Variants in C3orf49 observed in about 807,000 individuals in gnomAD.
C3orf49 encodes putative uncharacterized protein C3orf49.
C3orf49 carries 27 observed loss-of-function variants against 13.3 expected under a neutral mutation model. The observed-to-expected ratio is 2.02, with a 90% CI of 1.49 to 2.79. C3orf49 has a LOEUF of 2.79. C3orf49 is among the 30% of genes most tolerant of loss of function. The probability of loss-of-function intolerance (pLI) is 0.00; values close to 1 mark genes in which losing one functional copy is unlikely to be tolerated. For missense variants in C3orf49, 242 were observed against 134.2 expected (o/e 1.80, Z -3.97); for synonymous variants, 87 against 47.6 (o/e 1.83, Z -3.40).
the C3orf49 span, among the ~76,000 whole-genome samples, chr3:63,811,399 A>G: frequency 6.6e-6 from 1 of 151,978 alleles, no homozygotes; most frequent in African/African-American, 2.4e-5. Flanking sequence ...TATATTAAAA[A>G]TACAAAAAAC....
At chr3:63,811,645 G>A in the C3orf49 span, among the ~76,000 whole-genome samples, 4 of 151,868 alleles carry the variant, frequency 2.6e-5, no homozygotes, top group Admixed American at 1.3e-4. Context: ...TACTTGGGAG[G>A]CTGGGGTGGG....
chr3:63,784,903 C>T, the C3orf49 span: 10 of 152,092 alleles, frequency 6.6e-5, no homozygotes, highest in African/African-American at 2.2e-4. Flanking sequence ...TTTCTTCCTT[C>T]CTTGCTGTCA....
At chr3:63,848,179 C>T (rs768272342) in intron 6 of C3orf49, among the ~76,000 whole-genome samples, 185 bp from the exon 7 acceptor site, 4 of 152,180 alleles carry the variant, frequency 2.6e-5, no homozygotes, top group Non-Finnish European at 4.4e-5. Flanking sequence ...GGAGAATCCC[C>T]TTCCCTTTCC....
upstream of C3orf49, among the ~76,000 whole-genome samples, chr3:63,816,769 C>CTTTTTT (rs543894356): frequency 0.023 from 2,258 of 96,948 alleles, 3 homozygotes; most frequent in Non-Finnish European, 0.028. Flanking sequence ...CTTTTCTTTT[C>CTTTTTT]TTTTTTTTTT....
chr3:63,841,487 T>C (rs1371437808), intron 5 of C3orf49, among the ~76,000 whole-genome samples: 3 of 152,314 alleles, frequency 2.0e-5, no homozygotes, highest in Admixed American at 1.3e-4. Context: ...TAAACAATAG[T>C]TCCTGTGTGT....
At chr3:63,836,256 T>C (rs1249679608) in intron 5 of C3orf49, 11 of 1,571,728 alleles carry the variant, frequency 7.0e-6, no homozygotes, top group Non-Finnish European at 9.5e-6. Context: ...TTCGAGCATT[T>C]ATGTATAAAG....
In C3orf49 at chr3:63,831,118, T is replaced by C. The variant is rs527428752; in HGVS notation, c.579T>C (p.Tyr193=). ...TTGCATTTTTACCATAGGGGCCATA[T>C]TCACCAAAAAAGAGACCACACTTTC... ...SLPSGLQKGP[Y]SPKKRPHFPA... is the part of the protein sequence containing the mutation. Residue 193 remains tyrosine, a synonymous_variant, in exon 4 of 7, where the codon TAT becomes TAC. Transcript: ENST00000295896. 4.6e-5 allele frequency: 32 copies of C among 700,774 alleles called. No individual in the cohort carries two copies. The African/African-American group carries it at 4.7e-4, about 10-fold the overall frequency. The allele number at this position is 700,774 out of a possible 1,614,324, so 43.4% of individuals were successfully genotyped here.
At chr3:63,824,850 AAAAAG>A (rs1701445991) in intron 2 of C3orf49, among the ~76,000 whole-genome samples, 2 of 151,150 alleles carry the variant, frequency 1.3e-5, no homozygotes, top group South Asian at 4.2e-4. Flanking sequence ...AAAAAAAAAA[AAAAAG>A]AAAAAGAAAA....
chr3:63,840,717 G>A (rs990250994), intron 5 of C3orf49, among the ~76,000 whole-genome samples: 4 of 152,200 alleles, frequency 2.6e-5, no homozygotes, highest in African/African-American at 7.2e-5. Flanking sequence ...ATGCTGGATC[G>A]TAACAAGAGC....
the C3orf49 span, among the ~76,000 whole-genome samples, chr3:63,783,969 T>G: frequency 6.6e-6 from 1 of 151,972 alleles, no homozygotes; most frequent in Non-Finnish European, 1.5e-5. Context: ...AAGGAGAGAA[T>G]GGAGAGAATT....
At chr3:63,788,690 G>A in the C3orf49 span, among the ~76,000 whole-genome samples, 1 of 151,000 alleles carries the variant, frequency 6.6e-6, no homozygotes, top group African/African-American at 2.4e-5. Context: ...CCTCATAACA[G>A]CCCGGAGGAA....
intron 3 of C3orf49, among the ~76,000 whole-genome samples, chr3:63,829,256 C>T (rs1701502613): frequency 6.6e-6 from 1 of 152,128 alleles, no homozygotes; most frequent in South Asian, 2.1e-4. Context: ...GGTCTTGCTT[C>T]TGTGGAACTT....
chr3:63,839,586 C>T, intron 5 of C3orf49: 3 of 1,296,352 alleles, frequency 2.3e-6, no homozygotes, highest in African/African-American at 1.5e-5. Flanking sequence ...GATCTACTCA[C>T]AGGACCTTAA....
At chr3:63,801,355 TAC>T in the C3orf49 span, among the ~76,000 whole-genome samples, 2,715 of 151,410 alleles carry the variant, frequency 0.018, 72 homozygotes, top group African/African-American at 0.062. Context: ...AAGAGATACA[TAC>T]ACGGTGAAAA....
At chr3:63,846,458 A>G (rs1467704005) in intron 6 of C3orf49, among the ~76,000 whole-genome samples, 1 of 152,050 alleles carries the variant, frequency 6.6e-6, no homozygotes, top group Non-Finnish European at 1.5e-5. Flanking sequence ...CCCAGGCTGG[A>G]GTGCAAGGGC....
intron 5 of C3orf49, chr3:63,838,360 A>T: frequency 7.0e-7 from 1 of 1,434,902 alleles, no homozygotes; most frequent in Non-Finnish European, 9.6e-7. Flanking sequence ...TAGAAACATT[A>T]AGATTCTTTA....
At chr3:63,784,162 G>T in the C3orf49 span, among the ~76,000 whole-genome samples, 1 of 152,140 alleles carries the variant, frequency 6.6e-6, no homozygotes. Flanking sequence ...GCAAACAAAG[G>T]TTAACTTGTC....
chr3:63,802,570 C>T, the C3orf49 span, among the ~76,000 whole-genome samples: 2 of 152,100 alleles, frequency 1.3e-5, no homozygotes, highest in Non-Finnish European at 2.9e-5. Context: ...CCACATCTTT[C>T]TTAGTTTTTT....
At chr3:63,795,704 T>C in the C3orf49 span, among the ~76,000 whole-genome samples, 1 of 152,156 alleles carries the variant, frequency 6.6e-6, no homozygotes, top group Non-Finnish European at 1.5e-5. Flanking sequence ...ATGTCTTTGA[T>C]GAACTACGTA....
Sources: allele counts gnomAD v4.1 joint callset (sites outside exome capture counted in the v4.1 genomes callset), GRCh38; gene constraint gnomAD v4.1.1; transcripts MANE v1.5; gene names NCBI Gene and HGNC (gene_info 2026-07-23, HGNC 2026-07-21).